Variants in EFCAB13 observed in about 807,000 individuals in gnomAD.
The protein encoded by EFCAB13 is EF-hand calcium-binding domain-containing protein 13.
A neutral mutation model predicts 110.2 loss-of-function variants in EFCAB13; 91 were observed. The ratio of observed to expected loss-of-function variants is 0.83; its 90% confidence interval spans 0.70 to 0.98. The LOEUF (loss-of-function observed/expected upper bound fraction) is 0.98. EFCAB13 is among the 50% of genes least tolerant of loss of function. EFCAB13 has a pLI of 0.00. For synonymous variants in EFCAB13, 323 were observed against 369.9 expected (o/e 0.87, Z 1.45); for missense variants, 968 against 1,119.4 (o/e 0.86, Z 1.93).
intron 23 of EFCAB13, among the ~76,000 whole-genome samples, chr17:47,420,340 C>G (rs373785664): frequency 6.6e-6 from 1 of 151,414 alleles, no homozygotes. Context: ...CCCAAAGTGC[C>G]GAGATTGCAG....
intron 24 of EFCAB13, among the ~76,000 whole-genome samples, chr17:47,432,486 G>A (rs925373362): frequency 6.6e-6 from 1 of 151,932 alleles, no homozygotes; most frequent in Non-Finnish European, 1.5e-5. Context: ...CAACTACTTG[G>A]GGGGTTGAGG....
intron 23 of EFCAB13, among the ~76,000 whole-genome samples, chr17:47,421,021 G>T (rs924834163): frequency 1.4e-3 from 64 of 44,152 alleles, no homozygotes; most frequent in African/African-American, 5.5e-3. Context: ...GGAGGGAGGT[G>T]GGGGGGTCAG....
intron 21 of EFCAB13, among the ~76,000 whole-genome samples, chr17:47,411,604 T>C (rs1477097936): frequency 1.3e-5 from 2 of 152,218 alleles, no homozygotes; most frequent in Non-Finnish European, 2.9e-5. Flanking sequence ...CTGAATATTT[T>C]ATTGTTGATC....
rs2065387326 is a variant in EFCAB13, at chr17:47,341,923, T to A, written c.194T>A (p.Phe65Tyr). 1 of 1,507,574 alleles carries A rather than the reference T, an allele frequency of 6.6e-7. No individual in the cohort carries two copies. Among genetic ancestry groups the A allele is most frequent in the Non-Finnish European group, 9.1e-7 (1 of 1,104,470 alleles). The allele number at this position is 1,507,574 out of a possible 1,614,324, so 93.4% of individuals were successfully genotyped here. A position where few individuals can be genotyped will look rare whatever the true frequency, so the allele number is the denominator to read the frequency against. The change falls in exon 6 of 25, where the codon TTT (phenylalanine) becomes TAT (tyrosine). Residue 65 changes from phenylalanine to tyrosine, a missense_variant and splice_region_variant. By Grantham distance (22) the Phe-to-Tyr change is conservative. Transcript: ENST00000331493. ...RSLSPEYKKI[F>Y]ETSIIFCGEE... ...ATTCCAATTTCTGTGTCATTTAGAT[T>A]TGAAACATCAATAATCTTTTGTGGA...
In EFCAB13 at chr17:47,396,156, A is replaced by G. The variant is rs1345405318; in HGVS notation, c.1945+179A>G. 2.3e-6 allele frequency: 1 copy of G among 437,832 alleles called. No homozygotes were observed. Among genetic ancestry groups the G allele is most frequent in the African/African-American group, 2.0e-5 (1 of 50,724 alleles). 27.1% of individuals were successfully genotyped at this position (437,832 alleles called of 1,614,324 possible). A position where few individuals can be genotyped will look rare whatever the true frequency, so the allele number is the denominator to read the frequency against. ...AGTTCAGATTGTTTGGCTATTCAAT[A>G]TAAAAATATTATTATGTAATTTATT... On this transcript the variant is annotated intron_variant, in intron 17 of 24. Transcript: ENST00000331493.
chr17:47,434,314 C>CA (rs112967748), intron 24 of EFCAB13, among the ~76,000 whole-genome samples: 8,044 of 146,400 alleles, frequency 0.055, 306 homozygotes, highest in Middle Eastern at 0.16. Flanking sequence ...ACAACAGCTA[C>CA]AAAAAAAAAA....
At chr17:47,422,938 C>G (rs1406769840) in intron 23 of EFCAB13, among the ~76,000 whole-genome samples, 1 of 152,078 alleles carries the variant, frequency 6.6e-6, no homozygotes, top group Admixed American at 6.5e-5. Flanking sequence ...TTGAAGAAGA[C>G]AAAGTTGTAA....
intron 8 of EFCAB13, among the ~76,000 whole-genome samples, chr17:47,346,436 C>CT (rs1253032039): frequency 1.6e-5 from 2 of 126,794 alleles, no homozygotes; most frequent in African/African-American, 5.8e-5. Context: ...GTACTTTACC[C>CT]CCCCCCCCAT....
chr17:47,351,305 G>GTGTGTGTGTGTGTGTGTGTGCGCGCGCA (rs748940130), intron 9 of EFCAB13, among the ~76,000 whole-genome samples: 4 of 113,176 alleles, frequency 3.5e-5, no homozygotes, highest in Non-Finnish European at 7.7e-5. Flanking sequence ...GTGTGTGTGT[G>GTGTGTGTGTGTGTGTGTGTGCGCGCGCA]CGCGCGCGCG....
rs1255023705 is a variant in EFCAB13 at position 47,344,012 on chromosome 17, T to C, written c.304-150T>C. 3.5e-6 allele frequency: 3 copies of C among 849,858 alleles called. No individual in the cohort carries two copies. The East Asian group carries it at 8.8e-5, about 25-fold the overall frequency. The allele number at this position is 849,858 out of a possible 1,614,324, so 52.6% of individuals were successfully genotyped here. On this transcript the variant is annotated intron_variant, in intron 6 of 24. Transcript: ENST00000331493. Reference sequence around the variant, plus strand: ...AAATTTTAGTTTATATTAAATGTAATTTAATTACAAAAGGCAATTTTACAC... The same window carrying C: ...AAATTTTAGTTTATATTAAATGTAACTTAATTACAAAAGGCAATTTTACAC...
chr17:47,345,154 G>A, intron 8 of EFCAB13, 56 bp downstream of exon 8: 1 of 1,325,920 alleles, frequency 7.5e-7, no homozygotes, highest in South Asian at 1.3e-5. Context: ...TGCTTTTTAG[G>A]AATTGTTTCA....
At chr17:47,393,755 A>AATAT (rs918168589) in intron 15 of EFCAB13, among the ~76,000 whole-genome samples, 2 of 117,952 alleles carry the variant, frequency 1.7e-5, no homozygotes, top group African/African-American at 6.3e-5. Flanking sequence ...TAAATAAATA[A>AATAT]AAATAAAAAT....
In EFCAB13 at chr17:47,347,909, G is replaced by T; in HGVS notation, c.619G>T (p.Asp207Tyr). ...ILCILRISIS[D>Y]LEMRQALKTV... ...TTGCATCTTGAGAATTTCTATAAGT[G>T]ATTTAGAAATGCGACAGGCACTAAA... Residue 207 changes from aspartate (D) to tyrosine (Y), a missense_variant, in exon 9 of 25, where the codon GAT (aspartate) becomes TAT (tyrosine). Coordinates refer to ENST00000331493, the MANE Select transcript of EFCAB13 (RefSeq NM_152347.5). The T allele has an allele frequency of 6.5e-7, 1 of 1,539,420 alleles. No individual in the cohort carries two copies. Among genetic ancestry groups the T allele is most frequent in the Non-Finnish European group, 8.8e-7 (1 of 1,131,128 alleles).
chr17:47,429,858 T>G lies in EFCAB13; in HGVS notation c.2535T>G (p.Asn845Lys). The G allele has an allele frequency of 1.9e-6, 3 of 1,611,646 alleles. No individual in the cohort carries two copies. The highest frequency in any genetic ancestry group is 2.5e-6 in the Non-Finnish European group (3 of 1,178,432). Residue 845 changes from asparagine to lysine, a missense_variant, in exon 24 of 25, where the codon AAT (asparagine) becomes AAG (lysine). Transcript: ENST00000331493. The stretch of plus-strand genomic sequence containing the variant: ...TAGCTACTACCCAAATTCTCCAGAA[T>G]GATCTAGTTGATGTCTCTGACCTCA... ...ILLATTQILQ[N>K]DLVDVSDLKT...
chr17:47,345,053 T>C lies in EFCAB13; in HGVS notation c.472T>C (p.Tyr158His), dbSNP rs758022052. Residue 158 changes from tyrosine to histidine, a missense_variant, in exon 8 of 25, where the codon TAT (tyrosine) becomes CAT (histidine). Tyr to His is a moderately conservative substitution (Grantham distance 83). Transcript: ENST00000331493. The part of the protein sequence containing the change: ...EMLSNLYMTL[Y>H]DEVTHGYLHS... ...GCTGTCTAACCTCTACATGACATTA[T>C]ATGATGAAGTAACCCATGGATATTT... 1.9e-6 allele frequency: 3 copies of C among 1,607,386 alleles called. No individual in the cohort carries two copies. Among genetic ancestry groups the C allele is most frequent in the Non-Finnish European group, 1.7e-6 (2 of 1,176,870 alleles).
intron 6 of EFCAB13, among the ~76,000 whole-genome samples, chr17:47,343,031 G>C (rs2065394649): frequency 6.6e-6 from 1 of 151,978 alleles, no homozygotes; most frequent in African/African-American, 2.4e-5. Context: ...TTCAAGATTG[G>C]TATCTGATCA....
intron 5 of EFCAB13, among the ~76,000 whole-genome samples, chr17:47,339,137 A>C (rs1350576660): frequency 1.3e-5 from 2 of 152,264 alleles, no homozygotes; most frequent in East Asian, 3.9e-4. Context: ...GATATAATCT[A>C]GTTAGTCACT....
At position 47,404,588 on chromosome 17, in the gene EFCAB13, T is replaced by A; in HGVS notation, c.2188T>A (p.Cys730Ser). Residue 730 changes from cysteine (C) to serine (S), a missense_variant, in exon 20 of 25, where the codon TGT becomes AGT. Cys to Ser is a moderately radical substitution (Grantham distance 112). Transcript: ENST00000331493. ...AGATAACATGGTGAACATTAAAGAC[T>A]GTATGAGGGCTTTGAGGGACACCCA... ...SEDNMVNIKD[C>S]MRALRDTQKF... The A allele has an allele frequency of 6.2e-7, 1 of 1,612,890 alleles. No homozygotes were observed.
intron 6 of EFCAB13, among the ~76,000 whole-genome samples, chr17:47,343,402 C>T (rs1210157386): frequency 6.6e-6 from 1 of 151,812 alleles, no homozygotes; most frequent in Non-Finnish European, 1.5e-5. Flanking sequence ...TTTTTTCTAA[C>T]CTGGAGCTGG....
Sources: allele counts gnomAD v4.1 joint callset (sites outside exome capture counted in the v4.1 genomes callset), GRCh38; gene constraint gnomAD v4.1.1; transcripts MANE v1.5; gene names NCBI Gene and HGNC (gene_info 2026-07-23, HGNC 2026-07-21).